Variants in SCAI observed in about 807,000 individuals in gnomAD.
The protein encoded by SCAI is suppressor of cancer cell invasion, also known as protein SCAI.
A neutral mutation model predicts 92.2 loss-of-function variants in SCAI; 24 were observed. The observed-to-expected ratio is 0.26, with a 90% CI of 0.19 to 0.37. The LOEUF is 0.37. Among genes scored for constraint, SCAI ranks in the 10% least tolerant of loss-of-function variants. The probability of loss-of-function intolerance (pLI) is 1.00; values close to 1 mark genes in which losing one functional copy is unlikely to be tolerated. For missense variants in SCAI, 450 were observed against 736.2 expected (o/e 0.61, Z 4.50); for synonymous variants, 261 against 258.6 (o/e 1.01, Z -0.09).
intron 9 of SCAI, among the ~76,000 whole-genome samples, chr9:125,014,169 G>A (rs369651909): frequency 5.3e-5 from 8 of 151,490 alleles, no homozygotes; most frequent in East Asian, 1.9e-4. Flanking sequence ...AGTGTTGGAA[G>A]TTCTGGCCAG....
At chr9:125,052,103 A>G (rs1233430061) in intron 3 of SCAI, among the ~76,000 whole-genome samples, 1 of 152,180 alleles carries the variant, frequency 6.6e-6, no homozygotes, top group Non-Finnish European at 1.5e-5. Flanking sequence ...TAAATGTAAG[A>G]GCTAAAAGTA....
intron 6 of SCAI, among the ~76,000 whole-genome samples, chr9:125,023,743 C>G (rs1358446818): frequency 6.6e-6 from 1 of 151,888 alleles, no homozygotes; most frequent in Non-Finnish European, 1.5e-5. Flanking sequence ...GGCATGCAAA[C>G]AGGCCATAGT....
chr9:125,048,817 C>T lies in SCAI; in HGVS notation c.230+7059G>A, dbSNP rs531706615. On this transcript the variant is annotated intron_variant, in intron 3 of 17. Transcript: ENST00000336505. ...GCTGGAGGCAATGGCGTGATCTCGGCTCACCACAACATCCGCCTCCCAGGT... is the reference window on the plus strand; with the variant it reads ...GCTGGAGGCAATGGCGTGATCTCGGTTCACCACAACATCCGCCTCCCAGGT... 2.1e-4 allele frequency among the ~76,000 whole-genome samples: 32 copies of T among 152,152 alleles called. No individual in the cohort carries two copies. In the South Asian group the frequency reaches 6.0e-3, roughly 29 times the overall value.
At chr9:125,001,570 C>T (rs559304932) in intron 12 of SCAI, among the ~76,000 whole-genome samples, 3 of 152,262 alleles carry the variant, frequency 2.0e-5, no homozygotes, top group Admixed American at 6.5e-5. Flanking sequence ...AGCCATTGAC[C>T]GGATTCCCCA....
chr9:124,994,940 C>T lies in SCAI; in HGVS notation c.1320G>A (p.Ala440=), dbSNP rs763886551. 3.4e-5 allele frequency: 54 copies of T among 1,610,798 alleles called. No individual in the cohort carries two copies. Among genetic ancestry groups the T allele is most frequent in the Middle Eastern group, 1.6e-4 (1 of 6,072 alleles). ...FIIVDSSNSV[A]YKNFTNLFGQ... ...TAGCTCTCATGGAACTCACCTTATA[C>T]GCAACACTATTAGACGAATCCACAA... is the stretch of plus-strand genomic sequence containing the variant. Residue 440 remains alanine (A), a synonymous_variant, in exon 14 of 18, where the codon GCG becomes GCA. Transcript: ENST00000336505.
intron 2 of SCAI, chr9:125,142,430 T>A: frequency 2.1e-6 from 1 of 467,026 alleles, no homozygotes; most frequent in Non-Finnish European, 3.8e-6. Context: ...CCACATTATC[T>A]TAGATACCAA....
chr9:125,115,385 A>AC (rs1171184335), intron 2 of SCAI, among the ~76,000 whole-genome samples: 2 of 151,262 alleles, frequency 1.3e-5, no homozygotes, highest in East Asian at 1.9e-4. Flanking sequence ...AAAAAAAAAA[A>AC]AAAAAAAAAC....
At chr9:125,123,324 C>T (rs1172020646) in intron 2 of SCAI, among the ~76,000 whole-genome samples, 1 of 150,430 alleles carries the variant, frequency 6.6e-6, no homozygotes, top group Non-Finnish European at 1.5e-5. Flanking sequence ...GATTGCACCA[C>T]TACACTCCAG....
intron 9 of SCAI, among the ~76,000 whole-genome samples, chr9:125,004,734 C>CATATATATAT (rs1165021670): frequency 3.6e-5 from 1 of 27,660 alleles, no homozygotes; most frequent in Non-Finnish European, 6.6e-5. Flanking sequence ...AACTGTGATC[C>CATATATATAT]ATATATATAT....
intron 2 of SCAI, among the ~76,000 whole-genome samples, chr9:125,062,415 T>G (rs894477393): frequency 6.7e-6 from 1 of 149,204 alleles, no homozygotes; most frequent in South Asian, 2.1e-4. Flanking sequence ...CATGGGCCAC[T>G]GTGCCCAGCC....
chr9:125,081,737 T>A, intron 2 of SCAI, among the ~76,000 whole-genome samples: 1 of 151,976 alleles, frequency 6.6e-6, no homozygotes, highest in South Asian at 2.1e-4. Context: ...CAGGCCCAGC[T>A]AATTTTTTAT....
rs141637192 is a variant in SCAI, at chr9:125,080,273, TAC to T, written c.99-24268_99-24267del. Among the ~76,000 whole-genome samples the T allele has an allele frequency of 0.018, 2,806 of 152,180 alleles. 154 individuals carry two copies. The East Asian group carries it at 0.22, about 12-fold the overall frequency. On this transcript the variant is annotated intron_variant, in intron 2 of 17. Coordinates refer to ENST00000336505, the MANE Select transcript of SCAI (RefSeq NM_001144877.3). ...CTTAAGTAAGTTATTTCTCCAGAATTACACAGTTAGAAAAAAAACCCCAAAGT... is the reference window on the plus strand; with the variant it reads ...CTTAAGTAAGTTATTTCTCCAGAATTACAGTTAGAAAAAAAACCCCAAAGT...
chr9:125,103,297 G>A (rs1465779412), intron 2 of SCAI, among the ~76,000 whole-genome samples: 1 of 152,086 alleles, frequency 6.6e-6, no homozygotes, highest in Non-Finnish European at 1.5e-5. Context: ...AACACAGGTA[G>A]TCCTTTGAGG....
chr9:125,115,709 T>C (rs558732549), intron 2 of SCAI, among the ~76,000 whole-genome samples: 11 of 152,164 alleles, frequency 7.2e-5, no homozygotes, highest in African/African-American at 2.7e-4. Flanking sequence ...AATAATATAG[T>C]TATATTCATG....
At chr9:125,087,912 C>T (rs2131190997) in intron 2 of SCAI, among the ~76,000 whole-genome samples, 1 of 152,148 alleles carries the variant, frequency 6.6e-6, no homozygotes, top group East Asian at 1.9e-4. Context: ...TGTGGATATA[C>T]ACAAATATAT....
intron 2 of SCAI, among the ~76,000 whole-genome samples, chr9:125,078,301 C>T (rs369449089): frequency 6.6e-6 from 1 of 151,980 alleles, no homozygotes; most frequent in Admixed American, 6.6e-5. Flanking sequence ...CCGAGGTAAG[C>T]GGATCACCTA....
intron 12 of SCAI, 109 bp downstream of exon 12, chr9:125,001,856 A>T: frequency 1.5e-6 from 1 of 660,352 alleles, no homozygotes; most frequent in Non-Finnish European, 2.6e-6. Context: ...TCAAATTTGG[A>T]AGTCTGTCTA....
chr9:125,002,499 T>TTTTTTTTTTTTTTTTTTTG (rs1554779235), intron 11 of SCAI, among the ~76,000 whole-genome samples: 7 of 147,220 alleles, frequency 4.8e-5, no homozygotes, highest in African/African-American at 1.8e-4. Context: ...TTTTTTTTTT[T>TTTTTTTTTTTTTTTTTTTG]GAAACAGAGT....
intron 3 of SCAI, among the ~76,000 whole-genome samples, chr9:125,050,056 T>C (rs1833527912): frequency 6.6e-6 from 1 of 150,502 alleles, no homozygotes; most frequent in African/African-American, 2.4e-5. Context: ...AAGAAAAACA[T>C]GTTACAACAT....
Sources: gnomAD v4.1 joint callset for allele counts (sites outside exome capture counted in the v4.1 genomes callset) on GRCh38, gnomAD v4.1.1 for gene constraint, MANE v1.5 for transcripts, NCBI Gene and HGNC (gene_info 2026-07-23, HGNC 2026-07-21) for gene names.